WDR87: variants seen among roughly 807,000 people sequenced by gnomAD.
WDR87 encodes WD repeat-containing protein 87.
In WDR87, 56 loss-of-function variants were observed where a neutral mutation model predicts 83.3. That is an observed-to-expected ratio of 0.67 (90% CI 0.54 to 0.84). The LOEUF (loss-of-function observed/expected upper bound fraction) is 0.84. WDR87 is among the 40% of genes least tolerant of loss of function. The pLI, the probability that WDR87 is intolerant of heterozygous loss-of-function variation, is 0.00. For missense variants in WDR87, 2,939 were observed against 3,431.9 expected (o/e 0.86, Z 3.59); for synonymous variants, 1,173 against 1,250.6 (o/e 0.94, Z 1.31).
chr19:37,893,062 CCTT>C lies in WDR87; in HGVS notation c.2638_2640del (p.Lys880del), dbSNP rs896594464. The stretch of plus-strand genomic sequence containing the variant: ...ATTTCTAGGAAGTGTTCATCCTCCT[CCTT>C]ATTCTTTGGATATTCTGTATTACTT... On this transcript the variant is annotated inframe_deletion, in exon 4 of 6. Transcript: ENST00000447313. 1.3e-6 allele frequency: 2 copies of C among 1,551,636 alleles called. No homozygotes were observed. The highest frequency in any genetic ancestry group is 1.4e-5 in the African/African-American group (1 of 73,056).
At chr19:37,902,631 G>A (rs374360131) in intron 1 of WDR87, among the ~76,000 whole-genome samples, 1 of 152,236 alleles carries the variant, frequency 6.6e-6, no homozygotes, top group South Asian at 2.1e-4. Context: ...TGACTGTGGA[G>A]ACAAACCAGG....
intron 1 of WDR87, among the ~76,000 whole-genome samples, chr19:37,905,273 A>G (rs1411796528): frequency 6.6e-6 from 1 of 151,418 alleles, no homozygotes; most frequent in Non-Finnish European, 1.5e-5. Flanking sequence ...CAATGAAAAC[A>G]TTTTTCCATT....
rs1418396782 is a variant in WDR87 at position 37,885,730 on chromosome 19, C to A, written c.7941G>T (p.Lys2647Asn). 1.3e-6 allele frequency: 2 copies of A among 1,551,718 alleles called. No homozygotes were observed. Among genetic ancestry groups the A allele is most frequent in the Admixed American group, 3.9e-5 (2 of 50,990 alleles). ...YLKVIPPIKAKEKESWPKPLA... is the reference protein window; with the variant it reads ...YLKVIPPIKANEKESWPKPLA... ...AAGGTTTTGGCCAGCTCTCCTTTTC[C>A]TTTGCTTTTATAGGAGGAATCACTT... is the stretch of plus-strand genomic sequence containing the variant. The change falls in exon 6 of 6, where the codon AAG becomes AAT. Residue 2647 changes from lysine (K) to asparagine (N), a missense_variant. Transcript: ENST00000447313.
rs762069466 is a variant in WDR87 at position 37,885,898 on chromosome 19, C to T, written c.7773G>A (p.Leu2591=). The change falls in exon 6 of 6, where the codon CTG becomes CTA. Residue 2591 remains leucine, a synonymous_variant. Coordinates refer to ENST00000447313, the MANE Select transcript of WDR87 (RefSeq NM_001291088.2). ...SRDGFHRLCQ[L]LKDLASKGNL... ...TTCCCTTTGAGGCAAGGTCTTTGAGCAGCTGGCACAGTCTATGGAAACCAT... is the reference window on the plus strand; with the variant it reads ...TTCCCTTTGAGGCAAGGTCTTTGAGTAGCTGGCACAGTCTATGGAAACCAT... 14 of 1,552,306 alleles carry T rather than the reference C, an allele frequency of 9.0e-6. No homozygotes were observed. The South Asian group carries it at 1.4e-4, about 16-fold the overall frequency.
Position 37,894,660 on chromosome 19 carries a change from A to C in WDR87, c.1043T>G (p.Leu348Trp). 1 of 1,551,744 alleles carries C rather than the reference A, an allele frequency of 6.4e-7. No individual in the cohort carries two copies. Residue 348 changes from leucine (L) to tryptophan (W), a missense_variant, in exon 4 of 6, where the codon TTG becomes TGG. Leu to Trp is a moderately conservative substitution (Grantham distance 61). Transcript: ENST00000447313. ...GCTGTAGAAGCAGGGCAGGCGGTGCAAGGAAAAACTATGGGCAGTTTGGCA... is the reference window on the plus strand; with the variant it reads ...GCTGTAGAAGCAGGGCAGGCGGTGCCAGGAAAAACTATGGGCAGTTTGGCA... ...FFCQTAHSFSLHRLPCFYSLF... is the reference protein window; with the variant it reads ...FFCQTAHSFSWHRLPCFYSLF...
chr19:37,889,005 T>G lies in WDR87; in HGVS notation c.4666A>C (p.Lys1556Gln). Residue 1556 changes from lysine (K) to glutamine (Q), a missense_variant, in exon 6 of 6, where the codon AAA becomes CAA. Lys to Gln is a moderately conservative substitution (Grantham distance 53, BLOSUM62 1). This residue lies in a region of WDR87 where 2,160 missense variants were observed against 2,533.1 expected (regional missense o/e 0.85). Transcript: ENST00000447313. ...CAGACTTGTTTCCACTCCTCCCATT[T>G]CAGCTTCTTGTCCTCCTGAAGCATT... The part of the protein sequence containing the change: ...EEMLQEDKKL[K>Q]WEEWKQVWEN... 6.4e-7 allele frequency: 1 copy of G among 1,552,082 alleles called. No homozygotes were observed. The highest frequency in any genetic ancestry group is 1.2e-5 in the South Asian group (1 of 84,060).
In WDR87 at chr19:37,887,617, C is replaced by G; in HGVS notation, c.6054G>C (p.Glu2018Asp). Residue 2018 changes from glutamate to aspartate, a missense_variant, in exon 6 of 6, where the codon GAG becomes GAC. Transcript: ENST00000447313. ...CTCCCTTAGACAGTGTTTCTTTTCC[C>G]TCAACCAGTCTCATCTTCTCCTCAG... ...RLAEEKMRLV[E>D]GKETLSKGET... 2.6e-6 allele frequency: 4 copies of G among 1,551,980 alleles called. No homozygotes were observed. Among genetic ancestry groups the G allele is most frequent in the Non-Finnish European group, 3.5e-6 (4 of 1,147,066 alleles).
chr19:37,885,153 C>T lies in WDR87; in HGVS notation c.8518G>A (p.Glu2840Lys), dbSNP rs201436617. 4.0e-5 allele frequency: 58 copies of T among 1,463,648 alleles called. 1 individual carries two copies. The East Asian group carries it at 5.0e-4, about 13-fold the overall frequency. The allele number at this position is 1,463,648 out of a possible 1,614,324, so 90.7% of individuals were successfully genotyped here. A position where few individuals can be genotyped will look rare whatever the true frequency, so the allele number is the denominator to read the frequency against. The change falls in exon 6 of 6, where the codon GAA becomes AAA. Residue 2840 changes from glutamate to lysine, a missense_variant. Physicochemically the swap from Glu to Lys is moderately conservative, Grantham distance 56. Around this residue, in one of 3 missense-constraint regions of WDR87, gnomAD observed 2,160 missense variants for 2,533.1 expected, o/e 0.85. Coordinates refer to ENST00000447313, the MANE Select transcript of WDR87 (RefSeq NM_001291088.2). ...ALKATELVPGERLFCCLFCGS... is the reference protein window; with the variant it reads ...ALKATELVPGKRLFCCLFCGS... ...CAAAACAGGCAGCAGAACAGCCGTT[C>T]CCCGGGAACTAGCTCTGTGGCTTTT... is the stretch of plus-strand genomic sequence containing the variant.
Position 37,893,388 on chromosome 19 carries a change from A to T in WDR87, c.2315T>A (p.Met772Lys). The T allele has an allele frequency of 6.4e-7, 1 of 1,552,170 alleles. No individual in the cohort carries two copies. ...TTTGCTCACCTGCATCCAATCTTCC[A>T]TGTCCTGCAAAGAATAATGCATGGA... is the stretch of plus-strand genomic sequence containing the variant. ...RSSMHYSLQD[M>K]EDWMQVSKRY... Residue 772 changes from methionine (M) to lysine (K), a missense_variant, in exon 4 of 6, where the codon ATG becomes AAG. Coordinates refer to ENST00000447313, the MANE Select transcript of WDR87 (RefSeq NM_001291088.2).
At position 37,888,605 on chromosome 19, in the gene WDR87, T is replaced by C; in HGVS notation, c.5066A>G (p.Lys1689Arg). Reference protein sequence around the residue: ...KEETLAQRGEKLSQEAEKLAQ... With the variant: ...KEETLAQRGERLSQEAEKLAQ... ...CAATTTCTCCGCCTCCTGGCTTAGC[T>C]TCTCCCCTCTTTGGGCCAGTGTTTC... Residue 1689 changes from lysine (K) to arginine (R), a missense_variant, in exon 6 of 6, where the codon AAG becomes AGG. By Grantham distance (26) the Lys-to-Arg change is conservative. This residue lies in a region of WDR87 where 2,160 missense variants were observed against 2,533.1 expected (regional missense o/e 0.85). Transcript: ENST00000447313. 1 of 1,552,014 alleles carries C rather than the reference T, an allele frequency of 6.4e-7. No homozygotes were observed. The highest frequency in any genetic ancestry group is 2.4e-5 in the East Asian group (1 of 40,918).
In WDR87 at chr19:37,900,962, CAAAAAAAAAA is replaced by C. The variant is rs878938966; in HGVS notation, c.-46-2687_-46-2678del. 4.1e-3 allele frequency among the ~76,000 whole-genome samples: 121 copies of C among 29,514 alleles called. 1 individual carries two copies. Among genetic ancestry groups the C allele is most frequent in the African/African-American group, 0.01 (116 of 11,094 alleles). 19.4% of individuals were successfully genotyped at this position (29,514 alleles called of 152,430 possible). ...GCAACATAGTGGGACCCTGTCTCTACAAAAAAAAAAAAAAAAAAAAAAAAAAATTAGCCAG... is the reference window on the plus strand; with the variant it reads ...GCAACATAGTGGGACCCTGTCTCTACAAAAAAAAAAAAAAAAATTAGCCAG... On this transcript the variant is annotated intron_variant, in intron 1 of 5. Coordinates refer to ENST00000447313, the MANE Select transcript of WDR87 (RefSeq NM_001291088.2).
Position 37,886,324 on chromosome 19 carries a change from C to T in WDR87, c.7347G>A (p.Glu2449=). The change falls in exon 6 of 6, where the codon GAG becomes GAA. Residue 2449 remains glutamate (E), a synonymous_variant. Transcript: ENST00000447313. The part of the protein sequence containing the change: ...MKEKTPVPVP[E]KQISWEDKKA... Reference sequence around the variant, plus strand: ...TTTTATCTTCCCAGGATATTTGTTTCTCCGGCACTGGCACTGGTGTTTTCT... The same window carrying T: ...TTTTATCTTCCCAGGATATTTGTTTTTCCGGCACTGGCACTGGTGTTTTCT... 1 of 1,551,636 alleles carries T rather than the reference C, an allele frequency of 6.4e-7. No individual in the cohort carries two copies. Among genetic ancestry groups the T allele is most frequent in the Non-Finnish European group, 8.7e-7 (1 of 1,146,976 alleles).
Position 37,888,051 on chromosome 19 carries a change from G to T in WDR87, c.5620C>A (p.Gln1874Lys). The change falls in exon 6 of 6, where the codon CAG becomes AAG. Residue 1874 changes from glutamine (Q) to lysine (K), a missense_variant. By Grantham distance (53) the Gln-to-Lys change is moderately conservative. Around this residue, in one of 3 missense-constraint regions of WDR87, gnomAD observed 2,160 missense variants for 2,533.1 expected, o/e 0.85. Coordinates refer to ENST00000447313, the MANE Select transcript of WDR87 (RefSeq NM_001291088.2). ...TTTTCCTGAGCCAGATTCTTCTTCT[G>T]GTACAGTATCATCTTGTTCTTTGTG... ...ELTKNKMILY[Q>K]KKNLAQEKKN... 1 of 1,551,478 alleles carries T rather than the reference G, an allele frequency of 6.4e-7. No individual in the cohort carries two copies. The highest frequency in any genetic ancestry group is 8.7e-7 in the Non-Finnish European group (1 of 1,146,980).
chr19:37,895,873 A>T lies in WDR87; in HGVS notation c.246+265T>A, dbSNP rs573297871. 355 of 463,536 alleles carry T rather than the reference A, an allele frequency of 7.7e-4. 2 individuals carry two copies. The highest frequency in any genetic ancestry group is 1.1e-3 in the Non-Finnish European group (296 of 261,524). 28.7% of individuals were successfully genotyped at this position (463,536 alleles called of 1,614,324 possible). A position where few individuals can be genotyped will look rare whatever the true frequency, so the allele number is the denominator to read the frequency against. ...TGTTAAGGAGGAATTGGAGGACTCA[A>T]GTGATTTTATCCCTTGGTGATGGGA... On this transcript the variant is annotated intron_variant, in intron 3 of 5. Coordinates refer to ENST00000447313, the MANE Select transcript of WDR87 (RefSeq NM_001291088.2).
At chr19:37,899,130 G>A (rs972796891) in intron 1 of WDR87, among the ~76,000 whole-genome samples, 2 of 151,854 alleles carry the variant, frequency 1.3e-5, no homozygotes, top group African/African-American at 4.8e-5. Context: ...TTAAGAGATA[G>A]GGTTTTGGCT....
intron 5 of WDR87, among the ~76,000 whole-genome samples, chr19:37,890,485 C>G (rs2046195810): frequency 6.6e-6 from 1 of 151,876 alleles, no homozygotes; most frequent in East Asian, 1.9e-4. Context: ...TAGAGTCTTC[C>G]TGAGTTTGAG....
In WDR87 at chr19:37,891,683, A is replaced by G; in HGVS notation, c.3263T>C (p.Phe1088Ser). 3 of 1,551,868 alleles carry G rather than the reference A, an allele frequency of 1.9e-6. No homozygotes were observed. The highest frequency in any genetic ancestry group is 2.6e-6 in the Non-Finnish European group (3 of 1,147,034). The change falls in exon 5 of 6, where the codon TTT becomes TCT. Residue 1088 changes from phenylalanine (F) to serine (S), a missense_variant. Around this residue, in one of 3 missense-constraint regions of WDR87, gnomAD observed 2,160 missense variants for 2,533.1 expected, o/e 0.85. Transcript: ENST00000447313. ...AGAAGGCATTGAGACATCTAAAGAA[A>G]AAGCCGGCTTTTCATCTCTATGTGA... is the stretch of plus-strand genomic sequence containing the variant. ...TLSHRDEKPA[F>S]SLDVSMPSEL... is the part of the protein sequence containing the mutation.
rs766532444 is a variant in WDR87, at chr19:37,892,746, C to T, written c.2957G>A (p.Arg986His). 1.7e-5 allele frequency: 26 copies of T among 1,551,638 alleles called. No individual in the cohort carries two copies. Among genetic ancestry groups the T allele is most frequent in the African/African-American group, 4.1e-5 (3 of 73,044 alleles). Residue 986 changes from arginine (R) to histidine (H), a missense_variant, in exon 4 of 6, where the codon CGT becomes CAT. This residue lies in a region of WDR87 where 2,160 missense variants were observed against 2,533.1 expected (regional missense o/e 0.85). Coordinates refer to ENST00000447313, the MANE Select transcript of WDR87 (RefSeq NM_001291088.2). ...IRELAWEGLKRLGMITHLFAM... is the reference protein window; with the variant it reads ...IRELAWEGLKHLGMITHLFAM... ...AAAAAGATGAGTAATCATTCCTAGA[C>T]GCTTCAGCCCTTCCCAAGCTAGTTC...
In WDR87 at chr19:37,893,143, C is replaced by G. The variant is rs1435165212; in HGVS notation, c.2560G>C (p.Glu854Gln). The G allele has an allele frequency of 1.9e-6, 3 of 1,551,806 alleles. No individual in the cohort carries two copies. The highest frequency in any genetic ancestry group is 2.0e-5 in the Admixed American group (1 of 50,986). The change falls in exon 4 of 6, where the codon GAA (glutamate) becomes CAA (glutamine). Residue 854 changes from glutamate (E) to glutamine (Q), a missense_variant. This residue lies in a region of WDR87 where 2,160 missense variants were observed against 2,533.1 expected (regional missense o/e 0.85). Coordinates refer to ENST00000447313, the MANE Select transcript of WDR87 (RefSeq NM_001291088.2). ...CNLHAPQREL[E>Q]WDRSQEFFFW... ...AAGAATTCTTGAGACCTGTCCCATT[C>G]CAGCTCCCGCTGGGGTGCATGCAGG... is the stretch of plus-strand genomic sequence containing the variant.
Sources: gnomAD v4.1 joint callset for allele counts (sites outside exome capture counted in the v4.1 genomes callset) on GRCh38, gnomAD v4.1.1 for gene constraint, gnomAD v4.1.1 regional missense constraint, MANE v1.5 for transcripts, NCBI Gene and HGNC (gene_info 2026-07-23, HGNC 2026-07-21) for gene names.